GRID2: variants seen among roughly 807,000 people sequenced by gnomAD.
GRID2 encodes the protein glutamate ionotropic receptor delta type subunit 2.
GRID2 carries 33 observed loss-of-function variants against 114.8 expected under a neutral mutation model. The observed-to-expected ratio is 0.29, with a 90% confidence interval of 0.22 to 0.38. The LOEUF is 0.38. Ranked by LOEUF, GRID2 falls within the 10% of genes least tolerant of loss-of-function variation. The pLI is 1.00. For synonymous variants in GRID2, 505 were observed against 449.9 expected (o/e 1.12, Z -1.55); for missense variants, 1,184 against 1,257.7 (o/e 0.94, Z 0.89).
At chr4:92,535,608 A>G (rs1015986148) in intron 1 of GRID2, among the ~76,000 whole-genome samples, 3 of 152,160 alleles carry the variant, frequency 2.0e-5, no homozygotes, top group Non-Finnish European at 4.4e-5. Context: ...GCAATTACCA[A>G]GAGACAAGCT....
chr4:93,152,873 A>C (rs560890341), intron 4 of GRID2, among the ~76,000 whole-genome samples: 4 of 152,272 alleles, frequency 2.6e-5, no homozygotes, highest in Admixed American at 2.0e-4. Flanking sequence ...AGTTTAAAAA[A>C]ATCCTGATGA....
intron 14 of GRID2, among the ~76,000 whole-genome samples, chr4:93,654,928 G>C (rs1159857954): frequency 6.6e-6 from 1 of 152,066 alleles, no homozygotes; most frequent in Non-Finnish European, 1.5e-5. Flanking sequence ...CACATGCTTT[G>C]ACCAAAAATA....
intron 2 of GRID2, among the ~76,000 whole-genome samples, chr4:92,879,595 G>A (rs1745862601): frequency 6.6e-6 from 1 of 152,184 alleles, no homozygotes; most frequent in Non-Finnish European, 1.5e-5. Flanking sequence ...GGGAACCATT[G>A]TCATTTTTAT....
intron 4 of GRID2, among the ~76,000 whole-genome samples, chr4:93,195,815 T>C (rs1331250266): frequency 6.6e-6 from 1 of 152,194 alleles, no homozygotes; most frequent in Admixed American, 6.5e-5. Context: ...AATTGTTTTA[T>C]AGGAAGTATG....
chr4:92,528,175 A>G (rs1009060622), intron 1 of GRID2, among the ~76,000 whole-genome samples: 5 of 151,798 alleles, frequency 3.3e-5, no homozygotes, highest in Non-Finnish European at 5.9e-5. Context: ...TTTCTTTTAA[A>G]CAATAAAGAA....
rs1269492171 is a variant in GRID2, at chr4:93,772,077, A to T, written c.2603A>T (p.Asp868Val). 2 of 1,592,098 alleles carry T rather than the reference A, an allele frequency of 1.3e-6. No individual in the cohort carries two copies. The highest frequency in any genetic ancestry group is 1.7e-6 in the Non-Finnish European group (2 of 1,160,922). The change falls in exon 16 of 16, where the codon GAT (aspartate) becomes GTT (valine). Residue 868 changes from aspartate (D) to valine (V), a missense_variant and splice_region_variant. Coordinates refer to ENST00000282020, the MANE Select transcript of GRID2 (RefSeq NM_001510.4). ...TATTTTCTTTTTCTTCATCTCCAGG[A>T]TGACAAGGAAATTGACCTGGAGCAC... is the stretch of plus-strand genomic sequence containing the variant. Reference protein sequence around the residue: ...RKGSRVPSKEDDKEIDLEHLH... With the variant: ...RKGSRVPSKEVDKEIDLEHLH...
chr4:92,304,610 A>AG lies in GRID2; in HGVS notation c.-47_-46insG, dbSNP rs774464994. Reference sequence around the variant, plus strand: ...ACTCTTTGGACTGTTTGAAAAAAAAAAAATTGGAAGAAAATCCATCCTCCA... The same window carrying AG: ...ACTCTTTGGACTGTTTGAAAAAAAAAGAAATTGGAAGAAAATCCATCCTCCA... On this transcript the variant is annotated 5_prime_UTR_variant, in exon 1 of 16. Coordinates refer to ENST00000282020, the MANE Select transcript of GRID2 (RefSeq NM_001510.4). 1 of 1,400,600 alleles carries AG rather than the reference A, an allele frequency of 7.1e-7. No individual in the cohort carries two copies. Among genetic ancestry groups the AG allele is most frequent in the East Asian group, 2.3e-5 (1 of 43,852 alleles). The allele number at this position is 1,400,600 out of a possible 1,614,324, so 86.8% of individuals were successfully genotyped here.
chr4:93,008,189 C>G (rs1272135884), intron 2 of GRID2, among the ~76,000 whole-genome samples: 1 of 150,846 alleles, frequency 6.6e-6, no homozygotes, highest in Non-Finnish European at 1.5e-5. Context: ...TGATGGTACT[C>G]TCTGCAAAAT....
At chr4:93,300,522 A>G (rs756490944) in intron 8 of GRID2, among the ~76,000 whole-genome samples, 6 of 152,184 alleles carry the variant, frequency 3.9e-5, no homozygotes, top group Non-Finnish European at 7.3e-5. Context: ...ACTTTTACCC[A>G]TGTCAGCTTT....
intron 1 of GRID2, among the ~76,000 whole-genome samples, chr4:93,783,015 T>C (rs1488829859): frequency 6.6e-6 from 1 of 152,224 alleles, no homozygotes; most frequent in Non-Finnish European, 1.5e-5. Flanking sequence ...CAAAGTAATT[T>C]GCAGAGGCAC....
intron 13 of GRID2, among the ~76,000 whole-genome samples, chr4:93,538,173 T>A (rs1403676097): frequency 6.6e-6 from 1 of 151,670 alleles, no homozygotes; most frequent in South Asian, 2.1e-4. Context: ...TTAAGACTGG[T>A]GCAGGAAAAA....
chr4:93,591,277 T>C (rs561186226), intron 13 of GRID2, among the ~76,000 whole-genome samples: 8 of 152,054 alleles, frequency 5.3e-5, no homozygotes, highest in South Asian at 2.1e-4. Context: ...AGTTGTTGAA[T>C]TTTGTCAAAG....
At chr4:93,000,208 G>C (rs911406097) in intron 2 of GRID2, among the ~76,000 whole-genome samples, 1 of 151,584 alleles carries the variant, frequency 6.6e-6, no homozygotes, top group South Asian at 2.1e-4. Context: ...AATAATATAT[G>C]TATTAGTGAG....
At chr4:92,597,160 C>T (rs1728994952) in intron 2 of GRID2, among the ~76,000 whole-genome samples, 1 of 151,958 alleles carries the variant, frequency 6.6e-6, no homozygotes, top group South Asian at 2.1e-4. Context: ...CACAGTTCCA[C>T]ATGGCTGAGG....
At chr4:92,877,633 AACCAGGCTACAATCAGGAT>A (rs1745729846) in intron 2 of GRID2, among the ~76,000 whole-genome samples, 2 of 152,174 alleles carry the variant, frequency 1.3e-5, no homozygotes, top group African/African-American at 4.8e-5. Context: ...CAGTCAGCAT[AACCAGGCTACAATCAGGAT>A]ACCTCCCATC....
chr4:92,773,258 G>T (rs1738623538), intron 2 of GRID2, among the ~76,000 whole-genome samples: 1 of 152,170 alleles, frequency 6.6e-6, no homozygotes, highest in African/African-American at 2.4e-5. Flanking sequence ...TCTGGCATCA[G>T]TTGAAAGAAA....
At chr4:93,012,968 C>A (rs571296423) in intron 2 of GRID2, among the ~76,000 whole-genome samples, 1 of 151,726 alleles carries the variant, frequency 6.6e-6, no homozygotes, top group Non-Finnish European at 1.5e-5. Context: ...GAATCTAAAA[C>A]TCCTTTAATA....
intron 13 of GRID2, among the ~76,000 whole-genome samples, chr4:93,524,815 G>GTATATA (rs1211931758): frequency 2.0e-5 from 1 of 49,258 alleles, no homozygotes; most frequent in Admixed American, 2.0e-4. Context: ...ATATATATAT[G>GTATATA]TATGTATGTA....
intron 2 of GRID2, among the ~76,000 whole-genome samples, chr4:92,689,491 G>A (rs575082926): frequency 6.6e-6 from 1 of 152,192 alleles, no homozygotes; most frequent in Non-Finnish European, 1.5e-5. Flanking sequence ...TTGCGAGCAA[G>A]CATTACCATC....
Sources: gnomAD v4.1 joint callset for allele counts (sites outside exome capture counted in the v4.1 genomes callset) on GRCh38, gnomAD v4.1.1 for gene constraint, MANE v1.5 for transcripts, NCBI Gene and HGNC (gene_info 2026-07-23, HGNC 2026-07-21) for gene names.